Variants in FOXP1 observed in about 807,000 individuals in gnomAD.
The protein encoded by FOXP1 is forkhead box P1.
Under a neutral mutation model 98.2 loss-of-function variants are expected in FOXP1, and 15 were observed. The observed-to-expected ratio is 0.15, with a 90% CI of 0.10 to 0.24. The LOEUF (loss-of-function observed/expected upper bound fraction) is 0.24, where lower values mean the gene tolerates loss of function less well. FOXP1 is among the 10% of genes least tolerant of loss of function. The pLI is 1.00. For synonymous variants in FOXP1, 371 were observed against 314.5 expected (o/e 1.18, Z -1.90); for missense variants, 633 against 848.5 (o/e 0.75, Z 3.15).
chr3:71,488,765 C>T (rs1470514060), intron 3 of FOXP1, among the ~76,000 whole-genome samples: 2 of 152,196 alleles, frequency 1.3e-5, no homozygotes, highest in South Asian at 2.1e-4. Flanking sequence ...ATCTGATAGG[C>T]AGCTGCCAGC....
chr3:71,512,012 TG>T (rs1240998576), intron 2 of FOXP1, among the ~76,000 whole-genome samples: 1 of 152,240 alleles, frequency 6.6e-6, no homozygotes, highest in Non-Finnish European at 1.5e-5. Flanking sequence ...ATTTACTTTG[TG>T]CCAAGTGCAG....
chr3:71,385,511 C>T (rs924366862), intron 3 of FOXP1, among the ~76,000 whole-genome samples: 4 of 152,162 alleles, frequency 2.6e-5, no homozygotes, highest in African/African-American at 9.7e-5. Context: ...ACGCCTACCC[C>T]ACTCTTCCTC....
chr3:71,377,100 G>C (rs1343561718), intron 3 of FOXP1, among the ~76,000 whole-genome samples: 1 of 152,090 alleles, frequency 6.6e-6, no homozygotes, highest in African/African-American at 2.4e-5. Flanking sequence ...ATGTTTCCTT[G>C]GTTTAAGCAA....
intron 5 of FOXP1, among the ~76,000 whole-genome samples, chr3:71,204,224 C>G (rs2063863174): frequency 2.0e-5 from 3 of 152,182 alleles, no homozygotes; most frequent in Admixed American, 2.0e-4. Flanking sequence ...AGAAGACCAA[C>G]CTGTCTATAT....
At chr3:71,539,464 G>T (rs1209490867) in intron 2 of FOXP1, among the ~76,000 whole-genome samples, 1 of 149,682 alleles carries the variant, frequency 6.7e-6, no homozygotes, top group Non-Finnish European at 1.5e-5. Flanking sequence ...TGGCTTCCTG[G>T]CATTTCCATA....
chr3:71,141,970 G>C (rs2060093520), intron 6 of FOXP1, among the ~76,000 whole-genome samples: 1 of 152,192 alleles, frequency 6.6e-6, no homozygotes, highest in Non-Finnish European at 1.5e-5. Context: ...ATGAAACAGT[G>C]CTTAAGAAAT....
chr3:71,488,989 G>A (rs911001025), intron 3 of FOXP1, among the ~76,000 whole-genome samples: 1 of 152,112 alleles, frequency 6.6e-6, no homozygotes, highest in Admixed American at 6.6e-5. Context: ...ACAACACCGT[G>A]GGCTGGCCCC....
At chr3:71,272,148 A>G (rs2070426482) in intron 5 of FOXP1, among the ~76,000 whole-genome samples, 1 of 152,218 alleles carries the variant, frequency 6.6e-6, no homozygotes, top group Non-Finnish European at 1.5e-5. Flanking sequence ...ACAACCACCG[A>G]ACAAGGCAGT....
chr3:71,202,410 C>A (rs2063733611), intron 5 of FOXP1, among the ~76,000 whole-genome samples: 3 of 152,160 alleles, frequency 2.0e-5, no homozygotes, highest in Admixed American at 2.0e-4. Context: ...TGTCTAAGAA[C>A]ATTTCTAACA....
At chr3:71,496,396 T>C (rs187153158) in intron 2 of FOXP1, among the ~76,000 whole-genome samples, 1,675 of 151,650 alleles carry the variant, frequency 0.011, 21 homozygotes, top group Non-Finnish European at 0.017. Context: ...GGCTTGGGGG[T>C]GAGGAGTAGG....
chr3:71,062,507 T>G (rs1559847709), intron 7 of FOXP1, among the ~76,000 whole-genome samples: 1 of 152,210 alleles, frequency 6.6e-6, no homozygotes, highest in Non-Finnish European at 1.5e-5. Context: ...TCGAGAGTGA[T>G]ACATGTTGCA....
At chr3:71,131,612 T>C (rs1321963595) in intron 6 of FOXP1, among the ~76,000 whole-genome samples, 3 of 152,138 alleles carry the variant, frequency 2.0e-5, no homozygotes, top group African/African-American at 7.2e-5. Flanking sequence ...CTTTTCTTCA[T>C]AGAAGGAAAT....
intron 4 of FOXP1, among the ~76,000 whole-genome samples, chr3:71,324,472 C>T (rs1403862765): frequency 3.3e-5 from 5 of 152,054 alleles, no homozygotes; most frequent in Admixed American, 6.5e-5. Context: ...TGTAGGGACA[C>T]GGATGAAGGT....
At chr3:71,367,337 C>T (rs1279627770) in intron 3 of FOXP1, among the ~76,000 whole-genome samples, 1 of 152,228 alleles carries the variant, frequency 6.6e-6, no homozygotes. Flanking sequence ...CTCCCTCTCT[C>T]TCACGTTGCA....
intron 3 of FOXP1, among the ~76,000 whole-genome samples, chr3:71,432,210 G>A (rs1373096633): frequency 6.6e-6 from 1 of 152,238 alleles, no homozygotes; most frequent in Non-Finnish European, 1.5e-5. Flanking sequence ...ACTGACGACT[G>A]TGGTGTGCAT....
At chr3:71,074,935 G>C (rs1023641769) in intron 7 of FOXP1, among the ~76,000 whole-genome samples, 14 of 152,208 alleles carry the variant, frequency 9.2e-5, no homozygotes, top group African/African-American at 3.4e-4. Context: ...CTGCTGGAAA[G>C]AGAGACAGAC....
intron 5 of FOXP1, among the ~76,000 whole-genome samples, chr3:71,268,192 G>A (rs925520896): frequency 8.3e-5 from 12 of 145,258 alleles, no homozygotes; most frequent in African/African-American, 2.8e-4. Flanking sequence ...CCGGGTTCAC[G>A]CCATTCTCCT....
intron 7 of FOXP1, among the ~76,000 whole-genome samples, chr3:71,101,678 C>CAAAAAAA (rs75384060): frequency 1.4e-5 from 1 of 72,600 alleles, no homozygotes. Flanking sequence ...TGGGAAAAAG[C>CAAAAAAA]AAAAAAAAAA....
chr3:71,037,077 C>G (rs1430094755), intron 11 of FOXP1, among the ~76,000 whole-genome samples: 2 of 152,098 alleles, frequency 1.3e-5, no homozygotes, highest in African/African-American at 4.8e-5. Context: ...ATTCGATTTC[C>G]TCATCTGTAA....
Sources: allele counts gnomAD v4.1 joint callset (sites outside exome capture counted in the v4.1 genomes callset), GRCh38; gene constraint gnomAD v4.1.1; transcripts MANE v1.5; gene names NCBI Gene and HGNC (gene_info 2026-07-23, HGNC 2026-07-21).